EPB41L2: variants seen among roughly 807,000 people sequenced by gnomAD.
EPB41L2 encodes band 4.1-like protein 2.
A neutral mutation model predicts 113.0 loss-of-function variants in EPB41L2; 43 were observed. The ratio of observed to expected loss-of-function variants is 0.38; its 90% CI spans 0.30 to 0.49. The LOEUF (loss-of-function observed/expected upper bound fraction) is 0.49. Among genes scored for constraint, EPB41L2 ranks in the 20% least tolerant of loss-of-function variants. The pLI is 0.95. For missense variants in EPB41L2, 1,147 were observed against 1,223.4 expected, an observed-to-expected ratio of 0.94 and a Z score of 0.93; for synonymous variants, 442 against 436.7, an observed-to-expected ratio of 1.01 and a Z score of -0.15.
At chr6:130,858,982 C>T (rs2039509) in intron 18 of EPB41L2, among the ~76,000 whole-genome samples, 114,764 of 152,146 alleles carry the variant, frequency 0.75, 43,713 homozygotes, top group East Asian at 0.98. Context: ...AGCCTGTGAG[C>T]AGCAGGATAG....
In EPB41L2 at chr6:130,862,218, G is replaced by T. The variant is rs865927273; in HGVS notation, c.2910+1420C>A. Among the ~76,000 whole-genome samples, 6 of 152,116 alleles carry T rather than the reference G, an allele frequency of 3.9e-5. 1 individual carries two copies. In the South Asian group the frequency reaches 1.2e-3, roughly 32 times the overall value. On this transcript the variant is annotated intron_variant, in intron 18 of 19. Coordinates refer to ENST00000337057, the MANE Select transcript of EPB41L2 (RefSeq NM_001431.4). ...ATTATTTTGGCTTTTGTTATAAAAG[G>T]CAAAACAATACACATAAGTAAAACC...
At chr6:130,911,535 A>G (rs1321033223) in intron 4 of EPB41L2, among the ~76,000 whole-genome samples, 1 of 152,162 alleles carries the variant, frequency 6.6e-6, no homozygotes, top group Non-Finnish European at 1.5e-5. Flanking sequence ...ATAAAAAAAA[A>G]GAAAACAAGT....
intron 1 of EPB41L2, among the ~76,000 whole-genome samples, chr6:131,001,787 T>G (rs1031047141): frequency 4.6e-5 from 7 of 152,218 alleles, no homozygotes; most frequent in African/African-American, 1.4e-4. Context: ...TTACTTCCTT[T>G]TTTCCCTGCT....
chr6:130,863,961 C>G (rs1436235132), intron 17 of EPB41L2, among the ~76,000 whole-genome samples: 1 of 152,206 alleles, frequency 6.6e-6, no homozygotes, highest in East Asian at 1.9e-4. Flanking sequence ...CCTTAAAACT[C>G]ATTTATCAAT....
chr6:130,859,034 T>A (rs1390894747), intron 18 of EPB41L2, among the ~76,000 whole-genome samples: 1 of 152,224 alleles, frequency 6.6e-6, no homozygotes, highest in Non-Finnish European at 1.5e-5. Context: ...TGGTTTATGG[T>A]CCTTCCTTGG....
intron 1 of EPB41L2, among the ~76,000 whole-genome samples, chr6:131,026,384 T>C (rs1262378849): frequency 6.6e-6 from 1 of 152,236 alleles, no homozygotes; most frequent in East Asian, 1.9e-4. Flanking sequence ...TTTATTGGCA[T>C]TCTAATTCAT....
intron 1 of EPB41L2, among the ~76,000 whole-genome samples, chr6:131,016,002 T>C (rs974107808): frequency 2.0e-5 from 3 of 152,198 alleles, no homozygotes; most frequent in Non-Finnish European, 4.4e-5. Flanking sequence ...GCCATCACTT[T>C]CTTGAAGATA....
At chr6:131,044,019 CTTTTT>C (rs35350923) in intron 1 of EPB41L2, among the ~76,000 whole-genome samples, 6 of 103,028 alleles carry the variant, frequency 5.8e-5, no homozygotes, top group East Asian at 3.8e-4. Flanking sequence ...CTAAATAATG[CTTTTT>C]TTTTTTTTTT....
At chr6:131,030,173 A>T (rs1791832855) in intron 1 of EPB41L2, among the ~76,000 whole-genome samples, 1 of 152,204 alleles carries the variant, frequency 6.6e-6, no homozygotes. Context: ...AGGCAAAGGC[A>T]GTGTGACTGC....
intron 1 of EPB41L2, among the ~76,000 whole-genome samples, chr6:130,974,647 A>G (rs1351464191): frequency 6.6e-6 from 1 of 151,678 alleles, no homozygotes; most frequent in Admixed American, 6.6e-5. Context: ...GCCAAAATTC[A>G]CATCAATTTG....
intron 14 of EPB41L2, among the ~76,000 whole-genome samples, chr6:130,871,276 T>C (rs780085882): frequency 3.9e-5 from 6 of 152,194 alleles, no homozygotes; most frequent in Non-Finnish European, 7.4e-5. Flanking sequence ...AAGTCTGCTT[T>C]ACAATGATAT....
At chr6:130,926,150 T>C (rs1469231129) in intron 4 of EPB41L2, among the ~76,000 whole-genome samples, 7 of 152,224 alleles carry the variant, frequency 4.6e-5, no homozygotes, top group Admixed American at 1.3e-4. Context: ...CGTTCCAATG[T>C]GCCGCCTTCC....
At chr6:130,874,261 AT>A (rs574814492) in intron 14 of EPB41L2, among the ~76,000 whole-genome samples, 6,076 of 147,310 alleles carry the variant, frequency 0.041, 230 homozygotes, top group African/African-American at 0.1. Context: ...AATGCAATGT[AT>A]TTTTTTTTTT....
At chr6:130,882,300 A>C (rs893918718) in intron 12 of EPB41L2, 9 of 152,224 alleles carry the variant, frequency 5.9e-5, no homozygotes, top group African/African-American at 2.2e-4. Context: ...CTCCTAACTT[A>C]GAATGTGTGG....
At chr6:131,048,901 A>G (rs1030449639) in intron 1 of EPB41L2, among the ~76,000 whole-genome samples, 27 of 150,540 alleles carry the variant, frequency 1.8e-4, no homozygotes, top group African/African-American at 5.1e-4. Flanking sequence ...ACCTAACCAG[A>G]AAAAAAAAAG....
chr6:130,900,762 T>C (rs2068147), intron 7 of EPB41L2, among the ~76,000 whole-genome samples, 200 bp downstream of exon 7: 67,089 of 152,074 alleles, frequency 0.44, 16,268 homozygotes, highest in Non-Finnish European at 0.52. Context: ...GTCTTACAAG[T>C]ATAGTTTCTC....
chr6:130,923,076 A>ACT (rs1803420323), intron 4 of EPB41L2, among the ~76,000 whole-genome samples: 1 of 151,990 alleles, frequency 6.6e-6, no homozygotes, highest in African/African-American at 2.4e-5. Context: ...TTACTGAACA[A>ACT]CTCCAACCAT....
At chr6:130,906,259 A>G (rs1454085132) in intron 5 of EPB41L2, among the ~76,000 whole-genome samples, 4 of 152,300 alleles carry the variant, frequency 2.6e-5, no homozygotes, top group East Asian at 1.9e-4. Context: ...ACTAGACCAC[A>G]TATTTTCTAA....
chr6:130,869,707 T>C lies in EPB41L2; in HGVS notation c.2463A>G (p.Gln821=), dbSNP rs768017328. ...GTACACTCTTCTCTCCGGGTATCTT[T>C]TGGGCACCTACATTTTCCTGGATCA... ...ETVIQENVGA[Q]KIPGEKSVHE... is the part of the protein sequence containing the mutation. The change falls in exon 15 of 20, where the codon CAA becomes CAG. Residue 821 remains glutamine, a synonymous_variant. Transcript: ENST00000337057. 2.5e-6 allele frequency: 4 copies of C among 1,614,074 alleles called. No homozygotes were observed. The African/African-American group carries it at 4.0e-5, about 16-fold the overall frequency.
Sources: allele counts gnomAD v4.1 joint callset (sites outside exome capture counted in the v4.1 genomes callset), GRCh38; gene constraint gnomAD v4.1.1; transcripts MANE v1.5; gene names NCBI Gene and HGNC (gene_info 2026-07-23, HGNC 2026-07-21).